DAB1: variants seen among roughly 807,000 people sequenced by gnomAD.
DAB1 encodes the protein disabled homolog 1.
Under a neutral mutation model 64.6 loss-of-function variants are expected in DAB1, and 15 were observed. The ratio of observed to expected loss-of-function variants is 0.23; its 90% confidence interval spans 0.16 to 0.36. The LOEUF (loss-of-function observed/expected upper bound fraction) is 0.36, where lower values mean the gene tolerates loss of function less well. Among genes scored for constraint, DAB1 ranks in the 10% least tolerant of loss-of-function variants. The pLI is 1.00. For synonymous variants in DAB1, 235 were observed against 251.9 expected (o/e 0.93, Z 0.64); for missense variants, 596 against 706.7 (o/e 0.84, Z 1.78).
chr1:57,703,555 T>C (rs990494073), intron 6 of DAB1, among the ~76,000 whole-genome samples: 1 of 152,042 alleles, frequency 6.6e-6, no homozygotes. Flanking sequence ...GGGAAAGTTG[T>C]GGAGAAAAAG....
chr1:57,830,667 C>T (rs1652545685), intron 1 of DAB1, among the ~76,000 whole-genome samples: 1 of 152,154 alleles, frequency 6.6e-6, no homozygotes, highest in African/African-American at 2.4e-5. Flanking sequence ...AGCCTGCCTA[C>T]AAGATTGGTT....
intron 9 of DAB1, among the ~76,000 whole-genome samples, chr1:57,042,469 C>A (rs1333523688): frequency 1.3e-5 from 2 of 152,124 alleles, no homozygotes; most frequent in Non-Finnish European, 2.9e-5. Context: ...ACCTCCATGA[C>A]CCTCAGGATG....
chr1:57,621,668 T>C (rs1340807515), intron 7 of DAB1, among the ~76,000 whole-genome samples: 2 of 152,118 alleles, frequency 1.3e-5, no homozygotes, highest in Non-Finnish European at 2.9e-5. Context: ...AGGTGCTCAG[T>C]AAATGTTGTT....
intron 3 of DAB1, among the ~76,000 whole-genome samples, chr1:58,491,372 C>A (rs1645685691): frequency 1.3e-5 from 2 of 152,082 alleles, no homozygotes; most frequent in South Asian, 2.1e-4. Context: ...AGCAAAATAA[C>A]CAGCTAACAT....
At chr1:57,169,975 C>A (rs901887414) in intron 2 of DAB1, among the ~76,000 whole-genome samples, 1 of 150,822 alleles carries the variant, frequency 6.6e-6, no homozygotes, top group African/African-American at 2.5e-5. Context: ...TCTTACCATG[C>A]CTTTTTCTTT....
chr1:58,126,020 C>G (rs1653054184), intron 5 of DAB1, among the ~76,000 whole-genome samples: 1 of 152,096 alleles, frequency 6.6e-6, no homozygotes. Flanking sequence ...GGGGAGCTCA[C>G]TAAACACTGG....
chr1:58,432,139 T>C (rs1410520126), intron 3 of DAB1, among the ~76,000 whole-genome samples: 2 of 152,230 alleles, frequency 1.3e-5, no homozygotes, highest in Non-Finnish European at 2.9e-5. Context: ...TCAGGGTCTC[T>C]GCCTGGAATG....
intron 5 of DAB1, among the ~76,000 whole-genome samples, chr1:57,897,727 T>C (rs1038816109): frequency 1.2e-4 from 18 of 152,184 alleles, no homozygotes; most frequent in Middle Eastern, 3.4e-3. Context: ...TCACTCCTTG[T>C]AGGGAATGCA....
At chr1:57,194,797 C>T (rs1412945416) in intron 2 of DAB1, among the ~76,000 whole-genome samples, 3 of 152,110 alleles carry the variant, frequency 2.0e-5, no homozygotes, top group African/African-American at 7.2e-5. Flanking sequence ...GTCCTCAAAG[C>T]GCATCTCCAA....
At chr1:57,532,327 CAT>C (rs1644674545) in intron 7 of DAB1, among the ~76,000 whole-genome samples, 1 of 152,010 alleles carries the variant, frequency 6.6e-6, no homozygotes, top group Non-Finnish European at 1.5e-5. Flanking sequence ...GCTCTTCATT[CAT>C]TCATTCATTC....
chr1:57,175,028 C>T (rs921190695), intron 2 of DAB1, among the ~76,000 whole-genome samples: 3 of 152,170 alleles, frequency 2.0e-5, no homozygotes, highest in Non-Finnish European at 4.4e-5. Flanking sequence ...CCCAACAGAG[C>T]ACACGGACTC....
intron 5 of DAB1, among the ~76,000 whole-genome samples, chr1:57,992,875 A>T (rs1309630296): frequency 6.6e-6 from 1 of 151,550 alleles, no homozygotes; most frequent in Non-Finnish European, 1.5e-5. Context: ...CCACTTCTAG[A>T]CCCCGATGCA....
chr1:57,722,746 T>C (rs1647166031), intron 6 of DAB1, among the ~76,000 whole-genome samples: 1 of 152,192 alleles, frequency 6.6e-6, no homozygotes, highest in African/African-American at 2.4e-5. Flanking sequence ...AAGAGTTCTC[T>C]AGAAGGAGAA....
chr1:57,462,644 C>A (rs1686823208), intron 7 of DAB1, among the ~76,000 whole-genome samples: 1 of 152,166 alleles, frequency 6.6e-6, no homozygotes, highest in African/African-American at 2.4e-5. Flanking sequence ...GTACTGCTCC[C>A]ATTTTTTAAA....
At chr1:57,945,842 T>C (rs1645176674) in intron 5 of DAB1, among the ~76,000 whole-genome samples, 1 of 152,214 alleles carries the variant, frequency 6.6e-6, no homozygotes, top group Admixed American at 6.5e-5. Context: ...TTAGGGACCT[T>C]AATTTAGTCA....
At chr1:58,382,658 C>A (rs1644399552) in intron 3 of DAB1, among the ~76,000 whole-genome samples, 1 of 152,198 alleles carries the variant, frequency 6.6e-6, no homozygotes. Context: ...GCTTTTAAAA[C>A]ACAGTGTAAA....
chr1:58,312,109 G>C (rs1209278180), intron 4 of DAB1, among the ~76,000 whole-genome samples: 1 of 152,144 alleles, frequency 6.6e-6, no homozygotes. Flanking sequence ...GGCTGAGAAA[G>C]CTGGTGAACT....
At chr1:57,299,277 A>G (rs898192037) in intron 1 of DAB1, among the ~76,000 whole-genome samples, 1 of 152,344 alleles carries the variant, frequency 6.6e-6, no homozygotes, top group Admixed American at 6.5e-5. Flanking sequence ...CAGTTTACTC[A>G]TCTGTAAAAT....
intron 3 of DAB1, among the ~76,000 whole-genome samples, chr1:58,408,196 G>C (rs1386016128): frequency 6.6e-6 from 1 of 152,264 alleles, no homozygotes; most frequent in South Asian, 2.1e-4. Context: ...GAGACCCAGT[G>C]ATCTGACAGA....
Sources: allele counts gnomAD v4.1 joint callset (sites outside exome capture counted in the v4.1 genomes callset), GRCh38; gene constraint gnomAD v4.1.1; transcripts MANE v1.5; gene names NCBI Gene and HGNC (gene_info 2026-07-23, HGNC 2026-07-21).